Variants in CSNK1A1 observed in about 807,000 individuals in gnomAD.
CSNK1A1 encodes the protein casein kinase I isoform alpha.
Under a neutral mutation model 46.1 loss-of-function variants are expected in CSNK1A1, and 7 were observed. The observed-to-expected ratio is 0.15, with a 90% CI of 0.09 to 0.29. The LOEUF is 0.29. CSNK1A1 is among the 10% of genes least tolerant of loss of function. CSNK1A1 has a pLI of 1.00. For synonymous variants in CSNK1A1, 137 were observed against 141.5 expected, an observed-to-expected ratio of 0.97 and a Z score of 0.23; for missense variants, 96 against 417.1, an observed-to-expected ratio of 0.23 and a Z score of 6.71.
chr5:149,502,938 T>A, intron 9 of CSNK1A1: 2 of 630,736 alleles, frequency 3.2e-6, no homozygotes, highest in Non-Finnish European at 3.9e-6. Flanking sequence ...CTGGCTAATT[T>A]TTGTATTTTT....
chr5:149,509,216 C>G (rs776360405), intron 7 of CSNK1A1, among the ~76,000 whole-genome samples: 2 of 152,064 alleles, frequency 1.3e-5, no homozygotes, highest in South Asian at 4.1e-4. Context: ...GCCACTGTGC[C>G]TAGCAAAACA....
At position 149,496,787 on chromosome 5, in the gene CSNK1A1, A is replaced by G; in HGVS notation, c.*66T>C. On this transcript the variant is annotated 3_prime_UTR_variant, in exon 10 of 10. Coordinates refer to ENST00000377843, the MANE Select transcript of CSNK1A1 (RefSeq NM_001892.6). The stretch of plus-strand genomic sequence containing the variant: ...AGTGTACATATGAACTAAAATTTCT[A>G]GATTTGGGGAGAAACAAATGCTGCT... 1.0e-5 allele frequency: 16 copies of G among 1,537,952 alleles called. No homozygotes were observed. The South Asian group carries it at 2.0e-4, about 19-fold the overall frequency.
At chr5:149,499,963 T>C (rs927541565) in intron 9 of CSNK1A1, among the ~76,000 whole-genome samples, 31 of 76,412 alleles carry the variant, frequency 4.1e-4, no homozygotes, top group Non-Finnish European at 7.4e-4. Context: ...TTTTTTCTTT[T>C]TTTCTTTTTT....
Position 149,542,692 on chromosome 5 carries a change from ATT to A in CSNK1A1, c.230+7381_230+7382del, listed in dbSNP as rs869143376. Among the ~76,000 whole-genome samples the A allele has an allele frequency of 4.3e-3, 69 of 16,184 alleles. 4 individuals are homozygous for A. Among genetic ancestry groups the A allele is most frequent in the South Asian group, 0.02 (7 of 348 alleles). 10.6% of individuals were successfully genotyped at this position (16,184 alleles called of 152,430 possible). A position where few individuals can be genotyped will look rare whatever the true frequency, so the allele number is the denominator to read the frequency against. On this transcript the variant is annotated intron_variant, in intron 2 of 9. Coordinates refer to ENST00000377843, the MANE Select transcript of CSNK1A1 (RefSeq NM_001892.6). ...TATATGTATATATATATATATATAT[ATT>A]TTTTTTTTTTTTTTTTTTTGAGACA...
At chr5:149,502,972 T>C in intron 9 of CSNK1A1, 1 of 752,442 alleles carries the variant, frequency 1.3e-6, no homozygotes. Flanking sequence ...TTCCACCATG[T>C]TGGCCAGACT....
intron 2 of CSNK1A1, among the ~76,000 whole-genome samples, chr5:149,526,604 AT>A (rs1212785713): frequency 6.6e-6 from 1 of 152,208 alleles, no homozygotes; most frequent in Non-Finnish European, 1.5e-5. Context: ...GAGTATGAGG[AT>A]TTAATCTTTT....
chr5:149,540,695 T>TA (rs1762200943), intron 2 of CSNK1A1, among the ~76,000 whole-genome samples: 1 of 152,074 alleles, frequency 6.6e-6, no homozygotes, highest in Non-Finnish European at 1.5e-5. Context: ...GAATAGAACT[T>TA]ACCAAGGATG....
intron 2 of CSNK1A1, among the ~76,000 whole-genome samples, chr5:149,531,043 T>C (rs1260638394): frequency 6.6e-6 from 1 of 151,266 alleles, no homozygotes; most frequent in African/African-American, 2.4e-5. Context: ...ATCCTTTCAA[T>C]TTTCCTATAC....
intron 2 of CSNK1A1, among the ~76,000 whole-genome samples, chr5:149,548,155 G>A (rs529820859): frequency 2.6e-5 from 4 of 152,230 alleles, no homozygotes; most frequent in East Asian, 1.9e-4. Flanking sequence ...ACAGGCGTGA[G>A]CCACCACGCC....
At chr5:149,521,818 T>C (rs570316658) in intron 3 of CSNK1A1, among the ~76,000 whole-genome samples, 51 of 151,918 alleles carry the variant, frequency 3.4e-4, no homozygotes, top group Non-Finnish European at 4.0e-4. Context: ...GGTTTCACCA[T>C]GTTGGTTTCC....
intron 8 of CSNK1A1, 100 bp from the exon 9 acceptor site, chr5:149,505,695 C>A (rs992722848): frequency 3.2e-6 from 3 of 938,240 alleles, no homozygotes; most frequent in Non-Finnish European, 4.8e-6. Flanking sequence ...CTTTACACAA[C>A]GAATATTTCC....
chr5:149,498,260 AAG>A, intron 9 of CSNK1A1: 1 of 985,336 alleles, frequency 1.0e-6, no homozygotes. Flanking sequence ...GCGAACATAC[AAG>A]AGAGTAGGTG....
chr5:149,545,148 G>A (rs1233962764), intron 2 of CSNK1A1, among the ~76,000 whole-genome samples: 1 of 151,808 alleles, frequency 6.6e-6, no homozygotes, highest in African/African-American at 2.4e-5. Flanking sequence ...GTGGGGCACA[G>A]TGGGAGTGGG....
intron 2 of CSNK1A1, chr5:149,549,407 G>T: frequency 1.4e-6 from 1 of 695,208 alleles, no homozygotes; most frequent in South Asian, 1.5e-5. Context: ...CACATCTGCT[G>T]CAGAGATCAC....
At chr5:149,523,676 A>C (rs1318294329) in intron 3 of CSNK1A1, among the ~76,000 whole-genome samples, 1 of 152,192 alleles carries the variant, frequency 6.6e-6, no homozygotes, top group East Asian at 1.9e-4. Context: ...AATTATAGAC[A>C]AAGTTTTTTC....
intron 7 of CSNK1A1, 72 bp from the exon 8 acceptor site, chr5:149,507,205 T>C (rs1275677826): frequency 1.7e-6 from 2 of 1,171,274 alleles, no homozygotes; most frequent in East Asian, 2.5e-5. Context: ...CATTTAAGTA[T>C]AAGCAAAAAG....
chr5:149,549,834 G>C (rs1467524677), intron 2 of CSNK1A1, among the ~76,000 whole-genome samples: 1 of 152,164 alleles, frequency 6.6e-6, no homozygotes, highest in African/African-American at 2.4e-5. Flanking sequence ...GCAAATGAAA[G>C]CCTCGGGAAG....
At chr5:149,549,460 C>G in intron 2 of CSNK1A1, 8 of 702,408 alleles carry the variant, frequency 1.1e-5, no homozygotes, top group Non-Finnish European at 2.1e-5. Flanking sequence ...ACCTCCACAC[C>G]GCCTCCTGCA....
intron 2 of CSNK1A1, among the ~76,000 whole-genome samples, chr5:149,542,494 C>T (rs1456574022): frequency 1.5e-5 from 2 of 137,218 alleles, no homozygotes; most frequent in Non-Finnish European, 3.1e-5. Context: ...GAAACCTGTC[C>T]CTGGTGCCAA....
Sources: gnomAD v4.1 joint callset for allele counts (sites outside exome capture counted in the v4.1 genomes callset) on GRCh38, gnomAD v4.1.1 for gene constraint, MANE v1.5 for transcripts, NCBI Gene and HGNC (gene_info 2026-07-23, HGNC 2026-07-21) for gene names.